The following KIAA1143 variants were observed in gnomAD, a reference collection of about 807,000 sequenced individuals.
KIAA1143 encodes uncharacterized protein KIAA1143.
Under a neutral mutation model 17.0 loss-of-function variants are expected in KIAA1143, and 8 were observed. The ratio of observed to expected loss-of-function variants is 0.47; its 90% CI spans 0.28 to 0.85. KIAA1143 has a LOEUF of 0.85. Among genes scored for constraint, KIAA1143 ranks in the 40% least tolerant of loss-of-function variants. The pLI, the probability that KIAA1143 is intolerant of heterozygous loss-of-function variation, is 0.12. For synonymous variants in KIAA1143, 64 were observed against 67.8 expected, an observed-to-expected ratio of 0.94 and a Z score of 0.27; for missense variants, 162 against 183.3, an observed-to-expected ratio of 0.88 and a Z score of 0.67.
chr3:44,759,131 T>C (rs1366721668), intron 1 of KIAA1143, among the ~76,000 whole-genome samples: 4 of 152,204 alleles, frequency 2.6e-5, no homozygotes. Flanking sequence ...CCCAAAGTGC[T>C]GGGATTACAA....
In KIAA1143 at chr3:44,752,329, G is replaced by A. The variant is rs577812125; in HGVS notation, c.*1012C>T. Reference sequence around the variant, plus strand: ...ACTACTTCATTTACACAGGGTGTACGCCAAGTAACCAATGGCAAACCTCTA... The same window carrying A: ...ACTACTTCATTTACACAGGGTGTACACCAAGTAACCAATGGCAAACCTCTA... On this transcript the variant is annotated 3_prime_UTR_variant, in exon 3 of 3. Coordinates refer to ENST00000296121, the MANE Select transcript of KIAA1143 (RefSeq NM_020696.4). 4.0e-4 allele frequency: 60 copies of A among 150,762 alleles called. No homozygotes were observed. Among genetic ancestry groups the A allele is most frequent in the East Asian group, 1.6e-3 (8 of 5,096 alleles). 9.3% of individuals were successfully genotyped at this position (150,762 alleles called of 1,614,324 possible).
chr3:44,753,966 A>G (rs78726070), intron 2 of KIAA1143, among the ~76,000 whole-genome samples: 1 of 152,262 alleles, frequency 6.6e-6, no homozygotes, highest in Non-Finnish European at 1.5e-5. Flanking sequence ...AAAAAAAAAA[A>G]TAGGATGCTT....
At position 44,753,324 on chromosome 3, in the gene KIAA1143, A is replaced by T. The variant is rs773268883; in HGVS notation, c.*17T>A. ...TCCATATACTTTCAAAGTAGACTAA[A>T]TTCAAAATATTTACACTTACTCATT... is the stretch of plus-strand genomic sequence containing the variant. On this transcript the variant is annotated 3_prime_UTR_variant, in exon 3 of 3. Transcript: ENST00000296121. 6.4e-7 allele frequency: 1 copy of T among 1,567,256 alleles called. No individual in the cohort carries two copies. Among genetic ancestry groups the T allele is most frequent in the South Asian group, 1.1e-5 (1 of 89,588 alleles).
intron 1 of KIAA1143, among the ~76,000 whole-genome samples, chr3:44,760,288 T>C (rs1232784637): frequency 6.6e-6 from 1 of 152,258 alleles, no homozygotes; most frequent in Non-Finnish European, 1.5e-5. Flanking sequence ...TGTTCAATAC[T>C]GATCCCTCCG....
At chr3:44,753,592 A>G (rs781676746) in intron 2 of KIAA1143, 40 bp from the exon 3 acceptor site, 2 of 1,576,988 alleles carry the variant, frequency 1.3e-6, no homozygotes, top group Non-Finnish European at 8.6e-7. Flanking sequence ...TCTTCTCCTC[A>G]TTATTTTGCC....
chr3:44,753,594 T>C, intron 2 of KIAA1143, 42 bp from the exon 3 acceptor site: 2 of 1,572,224 alleles, frequency 1.3e-6, no homozygotes, highest in Non-Finnish European at 1.7e-6. Flanking sequence ...TTCTCCTCAT[T>C]ATTTTGCCTT....
chr3:44,760,610 C>T (rs776490363), intron 1 of KIAA1143, among the ~76,000 whole-genome samples: 19 of 151,176 alleles, frequency 1.3e-4, no homozygotes, highest in Non-Finnish European at 2.2e-4. Context: ...AGGATGGTCT[C>T]GATCTCCTGA....
intron 1 of KIAA1143, among the ~76,000 whole-genome samples, chr3:44,755,024 A>G (rs1704949029): frequency 1.3e-5 from 2 of 152,216 alleles, no homozygotes; most frequent in South Asian, 4.1e-4. Context: ...TGTGTAACAG[A>G]TGGTAATATT....
intron 1 of KIAA1143, among the ~76,000 whole-genome samples, chr3:44,754,700 T>C (rs1294572877): frequency 6.6e-6 from 1 of 152,146 alleles, no homozygotes; most frequent in Non-Finnish European, 1.5e-5. Flanking sequence ...AGTTGTTTGC[T>C]CCTCATCAGC....
intron 1 of KIAA1143, among the ~76,000 whole-genome samples, chr3:44,756,889 A>AT (rs760891748): frequency 6.6e-6 from 1 of 152,206 alleles, no homozygotes. Flanking sequence ...TCATAGGTAT[A>AT]TATGTATGGG....
At chr3:44,755,895 T>C (rs1043748273) in intron 1 of KIAA1143, among the ~76,000 whole-genome samples, 2 of 152,248 alleles carry the variant, frequency 1.3e-5, no homozygotes, top group African/African-American at 2.4e-5. Flanking sequence ...ATGAACTACA[T>C]GAAGCCCTGG....
Position 44,752,701 on chromosome 3 carries a change from A to G in KIAA1143, c.*640T>C, listed in dbSNP as rs1704907462. On this transcript the variant is annotated 3_prime_UTR_variant, in exon 3 of 3. Coordinates refer to ENST00000296121, the MANE Select transcript of KIAA1143 (RefSeq NM_020696.4). ...TACTCAGGTTTTATCTCTGCACTCC[A>G]AGTAGGATGAAAAGATAAGAGCAAA... 1 of 152,142 alleles carries G rather than the reference A, an allele frequency of 6.6e-6. No individual in the cohort carries two copies. The highest frequency in any genetic ancestry group is 1.5e-5 in the Non-Finnish European group (1 of 68,076). The allele number at this position is 152,142 out of a possible 1,614,324, so 9.4% of individuals were successfully genotyped here.
intron 1 of KIAA1143, among the ~76,000 whole-genome samples, chr3:44,756,866 A>G (rs1348467640): frequency 6.6e-6 from 1 of 152,240 alleles, no homozygotes; most frequent in Non-Finnish European, 1.5e-5. Context: ...CCTAATTTAT[A>G]TAGTAAACTT....
intron 1 of KIAA1143, 109 bp from the exon 2 acceptor site, chr3:44,754,477 T>G (rs1015763234): frequency 1.9e-6 from 2 of 1,030,902 alleles, no homozygotes; most frequent in Non-Finnish European, 2.9e-6. Flanking sequence ...CTTTATTGAG[T>G]AAATAAGGGC....
intron 1 of KIAA1143, among the ~76,000 whole-genome samples, chr3:44,760,672 G>A (rs1033688893): frequency 2.7e-5 from 4 of 147,580 alleles, no homozygotes; most frequent in Non-Finnish European, 4.5e-5. Context: ...ACAGGCGTGA[G>A]CCACCAGGCC....
chr3:44,754,584 AT>A (rs1486739207), intron 1 of KIAA1143, among the ~76,000 whole-genome samples: 10 of 152,174 alleles, frequency 6.6e-5, no homozygotes, highest in African/African-American at 1.9e-4. Flanking sequence ...GGTGGGATTC[AT>A]TTCCATCTCA....
intron 1 of KIAA1143, among the ~76,000 whole-genome samples, chr3:44,756,557 C>T (rs564627339): frequency 2.6e-5 from 4 of 151,956 alleles, no homozygotes; most frequent in Admixed American, 6.5e-5. Flanking sequence ...AGAAAGACTC[C>T]GCCTCAAAAA....
rs561299594 is a variant in KIAA1143 at position 44,752,652 on chromosome 3, C to A, written c.*689G>T. 7.2e-5 allele frequency: 11 copies of A among 151,906 alleles called. No individual in the cohort carries two copies. The highest frequency in any genetic ancestry group is 6.6e-4 in the Admixed American group (10 of 15,216). 9.4% of individuals were successfully genotyped at this position (151,906 alleles called of 1,614,324 possible). ...ATGACCCAAAGCACATGGCTGCCTT[C>A]CTTATGCCTAAAAGTGGCTCTGGTA... On this transcript the variant is annotated 3_prime_UTR_variant, in exon 3 of 3. Coordinates refer to ENST00000296121, the MANE Select transcript of KIAA1143 (RefSeq NM_020696.4).
chr3:44,760,984 G>T (rs1373375571), intron 1 of KIAA1143, among the ~76,000 whole-genome samples: 1 of 152,206 alleles, frequency 6.6e-6, no homozygotes, highest in African/African-American at 2.4e-5. Context: ...GAGCCACTGT[G>T]CCCGACCTTC....
Sources: allele counts gnomAD v4.1 joint callset (sites outside exome capture counted in the v4.1 genomes callset), GRCh38; gene constraint gnomAD v4.1.1; transcripts MANE v1.5; gene names NCBI Gene and HGNC (gene_info 2026-07-23, HGNC 2026-07-21).